STAG3: variants seen among roughly 807,000 people sequenced by gnomAD.
STAG3 encodes cohesin subunit SA-3.
In STAG3, 101 loss-of-function variants were observed where a neutral mutation model predicts 160.7. That is an observed-to-expected ratio of 0.63 (90% CI 0.54 to 0.74). The LOEUF is 0.74. STAG3 is among the 30% of genes least tolerant of loss of function. STAG3 has a pLI of 0.00. For missense variants in STAG3, 1,188 were observed against 1,517.4 expected (o/e 0.78, Z 3.61); for synonymous variants, 519 against 585.0 (o/e 0.89, Z 1.63).
At chr7:100,200,174 A>C in intron 16 of STAG3, 62 bp from the exon 17 acceptor site, 1 of 1,287,326 alleles carries the variant, frequency 7.8e-7, no homozygotes, top group Non-Finnish European at 1.1e-6. Flanking sequence ...GGAGGACTGC[A>C]CACACCCCCT....
chr7:100,205,823 C>G (rs1301179918), intron 29 of STAG3, among the ~76,000 whole-genome samples: 1 of 142,398 alleles, frequency 7.0e-6, no homozygotes, highest in Non-Finnish European at 1.5e-5. Flanking sequence ...GAGCGAGACT[C>G]TGTCTCAAAA....
rs749561736 is a variant in STAG3 at position 100,202,021 on chromosome 7, G to T, written c.2374G>T (p.Asp792Tyr). Residue 792 changes from aspartate to tyrosine, a missense_variant, in exon 23 of 34, where the codon GAT becomes TAT. By Grantham distance (160) the Asp-to-Tyr change is radical (BLOSUM62 -3). Coordinates refer to ENST00000615138, the MANE Select transcript of STAG3 (RefSeq NM_001282717.2). Reference sequence around the variant, plus strand: ...CTGCCAGAGTTGCCTCTCAGATGTGGATACTGAGATCCAGGAGCAGGTGAG... The same window carrying T: ...CTGCCAGAGTTGCCTCTCAGATGTGTATACTGAGATCCAGGAGCAGGTGAG... ...ELCQSCLSDV[D>Y]TEIQEQAFVL... 1.2e-6 allele frequency: 2 copies of T among 1,614,184 alleles called. No homozygotes were observed. The highest frequency in any genetic ancestry group is 1.7e-6 in the Non-Finnish European group (2 of 1,180,028).
At chr7:100,191,730 T>C (rs1258902023) in intron 8 of STAG3, among the ~76,000 whole-genome samples, 1 of 152,236 alleles carries the variant, frequency 6.6e-6, no homozygotes, top group Non-Finnish European at 1.5e-5. Flanking sequence ...TAGCAATTTC[T>C]TGAAATAAGA....
chr7:100,179,138 C>T (rs1295257724), intron 1 of STAG3, among the ~76,000 whole-genome samples: 1 of 148,304 alleles, frequency 6.7e-6, no homozygotes, highest in African/African-American at 2.5e-5. Context: ...CCCTGGGCAC[C>T]TTGCCTTTTT....
At chr7:100,196,734 T>C (rs1316102780) in intron 9 of STAG3, among the ~76,000 whole-genome samples, 3 of 152,084 alleles carry the variant, frequency 2.0e-5, no homozygotes, top group African/African-American at 7.2e-5. Context: ...GAGGTTGCAG[T>C]GAGCTGAGAT....
downstream of STAG3, chr7:100,219,191 C>G (rs1007503946): frequency 2.6e-5 from 4 of 152,730 alleles, no homozygotes; most frequent in African/African-American, 9.7e-5. Flanking sequence ...CCAAACTTAG[C>G]GAGGCAGCTT....
chr7:100,200,866 G>A lies in STAG3; in HGVS notation c.1958G>A (p.Cys653Tyr), dbSNP rs937374512. 3 of 1,614,172 alleles carry A rather than the reference G, an allele frequency of 1.9e-6. No individual in the cohort carries two copies. The highest frequency in any genetic ancestry group is 2.5e-6 in the Non-Finnish European group (3 of 1,180,042). The change falls in exon 19 of 34, where the codon TGT becomes TAT. Residue 653 changes from cysteine to tyrosine, a missense_variant. By Grantham distance (194) the Cys-to-Tyr change is radical. Around this residue, in one of 4 missense-constraint regions of STAG3, gnomAD observed 647 missense variants for 717.2 expected, o/e 0.90. Coordinates refer to ENST00000615138, the MANE Select transcript of STAG3 (RefSeq NM_001282717.2). ...EAGAHALYLLCNPEFTFFSRA... is the reference protein window; with the variant it reads ...EAGAHALYLLYNPEFTFFSRA... ...GGGGCGCATGCCCTCTACCTGCTCT[G>A]TAATCCCGAATTCACTTTCTTCAGC...
chr7:100,215,598 T>C (rs1271715654), downstream of STAG3, among the ~76,000 whole-genome samples: 1 of 152,140 alleles, frequency 6.6e-6, no homozygotes, highest in East Asian at 1.9e-4. Context: ...TCCTGAATTA[T>C]TTAAATACTA....
chr7:100,197,214 A>G lies in STAG3; in HGVS notation c.1000A>G (p.Ser334Gly). 4 of 1,600,754 alleles carry G rather than the reference A, an allele frequency of 2.5e-6. No individual in the cohort carries two copies. Among genetic ancestry groups the G allele is most frequent in the Non-Finnish European group, 3.4e-6 (4 of 1,170,036 alleles). The change falls in exon 10 of 34, where the codon AGC becomes GGC. Residue 334 changes from serine (S) to glycine (G), a missense_variant. Coordinates refer to ENST00000615138, the MANE Select transcript of STAG3 (RefSeq NM_001282717.2). ...TGAGGAAATTGGGTGTTGGATGCAAAGCTACAGCACGTCTTTCCTCACCGA... is the reference window on the plus strand; with the variant it reads ...TGAGGAAATTGGGTGTTGGATGCAAGGCTACAGCACGTCTTTCCTCACCGA... ...CIEEIGCWMQSYSTSFLTDSY... is the reference protein window; with the variant it reads ...CIEEIGCWMQGYSTSFLTDSY...
At chr7:100,210,864 C>A in intron 29 of STAG3, 147 bp from the exon 30 acceptor site, 2 of 830,608 alleles carry the variant, frequency 2.4e-6, no homozygotes, top group Non-Finnish European at 3.8e-6. Flanking sequence ...GGGCTATGCC[C>A]ATTTGAGGGC....
At chr7:100,187,025 G>T (rs546999071) in intron 5 of STAG3, among the ~76,000 whole-genome samples, 1 of 151,388 alleles carries the variant, frequency 6.6e-6, no homozygotes, top group Non-Finnish European at 1.5e-5. Flanking sequence ...TGCTGTCTTT[G>T]TTTTGTTTTT....
chr7:100,181,381 G>A (rs1308338920), intron 2 of STAG3: 2 of 152,138 alleles, frequency 1.3e-5, no homozygotes, highest in African/African-American at 4.8e-5. Context: ...TTATATCAAA[G>A]TTATAAACTT....
In STAG3 at chr7:100,214,004, T is replaced by G. The variant is rs113628620; in HGVS notation, c.3673-3T>G. On this transcript the variant is annotated splice_region_variant and splice_polypyrimidine_tract_variant and intron_variant, in intron 33 of 33. Transcript: ENST00000615138. ...TGTATTCCTTTCATCTTTCTCATTATAGGATTTCTGACAGGACTCTGGGCC... is the reference window on the plus strand; with the variant it reads ...TGTATTCCTTTCATCTTTCTCATTAGAGGATTTCTGACAGGACTCTGGGCC... 5 of 1,614,188 alleles carry G rather than the reference T, an allele frequency of 3.1e-6. No individual in the cohort carries two copies. The highest frequency in any genetic ancestry group is 4.2e-6 in the Non-Finnish European group (5 of 1,180,022).
rs559064199 is a variant in STAG3, at chr7:100,203,458, GGCGTGAGCCACCAT to G, written c.2701-560_2701-547del. 2.7e-3 allele frequency among the ~76,000 whole-genome samples: 404 copies of G among 151,926 alleles called. 2 individuals carry two copies. Among genetic ancestry groups the G allele is most frequent in the Middle Eastern group, 0.01 (3 of 294 alleles). On this transcript the variant is annotated intron_variant, in intron 25 of 33. Transcript: ENST00000615138. Reference sequence around the variant, plus strand: ...GGCCTCCCAAACTGCTGGGATTATAGGCGTGAGCCACCATGCCTGGCCTGTTTCATTATTTGTTT... The same window carrying G: ...GGCCTCCCAAACTGCTGGGATTATAGGCCTGGCCTGTTTCATTATTTGTTT...
downstream of STAG3, among the ~76,000 whole-genome samples, chr7:100,217,617 G>T (rs553531653): frequency 1.3e-5 from 2 of 152,042 alleles, no homozygotes; most frequent in African/African-American, 4.8e-5. Context: ...GCCTGACCGC[G>T]CTGCTATTTA....
Position 100,200,901 on chromosome 7 carries a change from T to G in STAG3, c.1993T>G (p.Phe665Val). The change falls in exon 19 of 34, where the codon TTT (phenylalanine) becomes GTT (valine). Residue 665 changes from phenylalanine (F) to valine (V), a missense_variant. By Grantham distance (50) the Phe-to-Val change is conservative (BLOSUM62 -1). Transcript: ENST00000615138. ...PEFTFFSRAD[F>V]ARSQLVDLLT... ...ATTCACTTTCTTCAGCCGGGCGGACTTTGCCCGCAGCCAGCTAGTAGATTT... is the reference window on the plus strand; with the variant it reads ...ATTCACTTTCTTCAGCCGGGCGGACGTTGCCCGCAGCCAGCTAGTAGATTT... 3 of 1,614,210 alleles carry G rather than the reference T, an allele frequency of 1.9e-6. No homozygotes were observed. Among genetic ancestry groups the G allele is most frequent in the East Asian group, 4.5e-5 (2 of 44,886 alleles).
chr7:100,204,925 G>T (rs1801495520), intron 27 of STAG3, 80 bp from the exon 28 acceptor site: 1 of 1,576,354 alleles, frequency 6.3e-7, no homozygotes, highest in East Asian at 2.2e-5. Context: ...CGGGGGGAGG[G>T]TGCATTTGGA....
In STAG3 at chr7:100,179,413, T is replaced by C. The variant is rs1242591408; in HGVS notation, c.-64-1080T>C. ...AGTTTTTGCTTATTTTTTGTAGAGA[T>C]GGGGTCTTGCTATGTTGCCCAGATT... On this transcript the variant is annotated intron_variant, in intron 1 of 33. Coordinates refer to ENST00000615138, the MANE Select transcript of STAG3 (RefSeq NM_001282717.2). Among the ~76,000 whole-genome samples, 6 of 152,072 alleles carry C rather than the reference T, an allele frequency of 3.9e-5. No individual in the cohort carries two copies. In the East Asian group the frequency reaches 1.2e-3, roughly 29 times the overall value.
At chr7:100,197,378 A>C in intron 10 of STAG3, 99 bp downstream of exon 10, 1 of 1,530,570 alleles carries the variant, frequency 6.5e-7, no homozygotes, top group East Asian at 2.3e-5. Flanking sequence ...TATTTTACCT[A>C]GTGACCAATG....
Sources: gnomAD v4.1 joint callset for allele counts (sites outside exome capture counted in the v4.1 genomes callset) on GRCh38, gnomAD v4.1.1 for gene constraint, gnomAD v4.1.1 regional missense constraint, MANE v1.5 for transcripts, NCBI Gene and HGNC (gene_info 2026-07-23, HGNC 2026-07-21) for gene names.